PIK3C2A: variants seen among roughly 807,000 people sequenced by gnomAD.
PIK3C2A encodes phosphatidylinositol-4-phosphate 3-kinase catalytic subunit type 2 alpha.
A neutral mutation model predicts 204.5 loss-of-function variants in PIK3C2A; 97 were observed. That is an observed-to-expected ratio of 0.47 (90% confidence interval 0.40 to 0.56). The LOEUF is 0.56. Ranked by LOEUF, PIK3C2A falls within the 20% of genes least tolerant of loss-of-function variation. The pLI is 0.00. For synonymous variants in PIK3C2A, 653 were observed against 664.4 expected (o/e 0.98, Z 0.26); for missense variants, 1,735 against 1,969.2 (o/e 0.88, Z 2.25).
intron 25 of PIK3C2A, 33 bp from the exon 26 acceptor site, chr11:17,100,002 A>C (rs573400042): frequency 9.7e-7 from 1 of 1,030,486 alleles, no homozygotes; most frequent in African/African-American, 1.6e-5. Flanking sequence ...CTGTGAGTTA[A>C]ATTTTTTAAA....
intron 1 of PIK3C2A, among the ~76,000 whole-genome samples, chr11:17,188,460 T>G (rs1001136257): frequency 1.4e-5 from 2 of 147,194 alleles, no homozygotes; most frequent in Non-Finnish European, 2.9e-5. Context: ...TCTTCCCTGG[T>G]GCAGCAGCAT....
chr11:17,183,673 T>C (rs1168475682), intron 1 of PIK3C2A, among the ~76,000 whole-genome samples: 1 of 151,484 alleles, frequency 6.6e-6, no homozygotes, highest in African/African-American at 2.4e-5. Context: ...AGAAAGAAAC[T>C]GTAAAAAAAC....
At chr11:17,106,732 G>T (rs922310072) in intron 22 of PIK3C2A, among the ~76,000 whole-genome samples, 2 of 152,024 alleles carry the variant, frequency 1.3e-5, no homozygotes, top group African/African-American at 4.8e-5. Flanking sequence ...GTGAGCCACC[G>T]TGCCCAGTGA....
chr11:17,193,527 C>G (rs1192891353), intron 1 of PIK3C2A: 1 of 445,568 alleles, frequency 2.2e-6, no homozygotes, highest in African/African-American at 2.0e-5. Context: ...ACAACATTCC[C>G]GAAAATGGCA....
chr11:17,163,583 AT>A (rs970003298), intron 2 of PIK3C2A, among the ~76,000 whole-genome samples: 38 of 147,766 alleles, frequency 2.6e-4, no homozygotes, highest in South Asian at 1.7e-3. Flanking sequence ...ACACACAGCT[AT>A]TTTTTTTTTC....
At chr11:17,181,056 G>GTTTACTTATTACTGACTTATTATAA (rs1851532943) in intron 1 of PIK3C2A, among the ~76,000 whole-genome samples, 2 of 152,098 alleles carry the variant, frequency 1.3e-5, no homozygotes, top group African/African-American at 4.8e-5. Flanking sequence ...AAAGGGAAGA[G>GTTTACTTATTACTGACTTATTATAA]ATGCATAGGG....
At chr11:17,204,890 T>C (rs1050303634) in intron 1 of PIK3C2A, among the ~76,000 whole-genome samples, 5 of 152,184 alleles carry the variant, frequency 3.3e-5, no homozygotes, top group African/African-American at 7.2e-5. Context: ...ATTAATACAA[T>C]GCATAGGCCA....
At chr11:17,107,892 G>A (rs1848878900) in intron 22 of PIK3C2A, among the ~76,000 whole-genome samples, 1 of 123,154 alleles carries the variant, frequency 8.1e-6, no homozygotes, top group Non-Finnish European at 1.9e-5. Flanking sequence ...TGTTTTCTGA[G>A]ACAGAGTCTC....
intron 8 of PIK3C2A, among the ~76,000 whole-genome samples, chr11:17,145,172 G>A (rs1263722358): frequency 6.6e-6 from 1 of 152,174 alleles, no homozygotes; most frequent in Non-Finnish European, 1.5e-5. Flanking sequence ...AAGACCTTGG[G>A]AGACTATTTG....
intron 8 of PIK3C2A, among the ~76,000 whole-genome samples, chr11:17,138,457 G>T (rs1023423540): frequency 1.4e-4 from 21 of 151,988 alleles, no homozygotes; most frequent in African/African-American, 5.1e-4. Flanking sequence ...TTTGCCATAG[G>T]CAACTATGTA....
rs1275512112 is a variant in PIK3C2A at position 17,089,901 on chromosome 11, C to A, written c.4898G>T (p.Ser1633Ile). ...FNEMLVYSGY[S>I]KETLRQRELQ... ...TTCTCGCTGTCTTAGGGTTTCTTTG[C>A]TATATCCACTGTATACAAGCTACAA... Residue 1633 changes from serine (S) to isoleucine (I), a missense_variant, in exon 33 of 33, where the codon AGC becomes ATC. By Grantham distance (142) the Ser-to-Ile change is moderately radical (BLOSUM62 -2). Transcript: ENST00000691414. The A allele has an allele frequency of 6.2e-7, 1 of 1,608,582 alleles. No individual in the cohort carries two copies. Among genetic ancestry groups the A allele is most frequent in the East Asian group, 2.2e-5 (1 of 44,772 alleles).
Position 17,095,447 on chromosome 11 carries a change from C to T in PIK3C2A, c.4327-1062G>A, listed in dbSNP as rs866636664. ...AAAAAAAAAAATACAAAAAATGAGC[C>T]GGGCGTGGTGGTGGGTACCTGTAGT... On this transcript the variant is annotated intron_variant, in intron 27 of 32. Coordinates refer to ENST00000691414, the MANE Select transcript of PIK3C2A (RefSeq NM_002645.4). Among the ~76,000 whole-genome samples, 7 of 149,294 alleles carry T rather than the reference C, an allele frequency of 4.7e-5. No homozygotes were observed. The South Asian group carries it at 6.3e-4, about 14-fold the overall frequency.
At chr11:17,099,828 T>G in intron 26 of PIK3C2A, 32 bp downstream of exon 26, 1 of 899,648 alleles carries the variant, frequency 1.1e-6, no homozygotes, top group East Asian at 2.4e-5. Context: ...ATATTTTATG[T>G]TCCTTCTGCA....
chr11:17,198,623 G>C (rs1342268630), intron 1 of PIK3C2A, among the ~76,000 whole-genome samples: 2 of 152,032 alleles, frequency 1.3e-5, no homozygotes, highest in Non-Finnish European at 2.9e-5. Flanking sequence ...GTTGAAACAA[G>C]CATCAGTATG....
rs112330753 is a variant in PIK3C2A, at chr11:17,146,569, A to T, written c.1561-627T>A. On this transcript the variant is annotated intron_variant, in intron 6 of 32. Coordinates refer to ENST00000691414, the MANE Select transcript of PIK3C2A (RefSeq NM_002645.4). Reference sequence around the variant, plus strand: ...CTCTACTAAAAATACAAAAAAAAAAAAATTAGCTGGGTGGGTTGGTGCATG... The same window carrying T: ...CTCTACTAAAAATACAAAAAAAAAATAATTAGCTGGGTGGGTTGGTGCATG... Among the ~76,000 whole-genome samples, 786 of 152,054 alleles carry T rather than the reference A, an allele frequency of 5.2e-3. 5 individuals are homozygous for T. Among genetic ancestry groups the T allele is most frequent in the African/African-American group, 0.017 (691 of 41,494 alleles).
intron 24 of PIK3C2A, among the ~76,000 whole-genome samples, chr11:17,102,205 G>C (rs111888737): frequency 1.0e-3 from 159 of 152,254 alleles, no homozygotes; most frequent in African/African-American, 3.3e-3. Flanking sequence ...GGGAGGCCGA[G>C]GCGGGTAGAT....
chr11:17,193,846 A>AG lies in PIK3C2A; in HGVS notation c.-66+14001_-66+14002insC, dbSNP rs1852026326. Reference sequence around the variant, plus strand: ...GGCAACAGAGCGAGACTCTGTCTCAAAAAAAGAAAAGAAAAGAAAAGAAAA... The same window carrying AG: ...GGCAACAGAGCGAGACTCTGTCTCAAGAAAAAGAAAAGAAAAGAAAAGAAAA... On this transcript the variant is annotated intron_variant, in intron 1 of 32. Coordinates refer to ENST00000691414, the MANE Select transcript of PIK3C2A (RefSeq NM_002645.4). The AG allele has an allele frequency of 1.6e-5, 2 of 122,016 alleles. 1 individual carries two copies. The highest frequency in any genetic ancestry group is 1.2e-3 in the East Asian group (2 of 1,736). The allele number at this position is 122,016 out of a possible 1,614,324, so 7.6% of individuals were successfully genotyped here. A position where few individuals can be genotyped will look rare whatever the true frequency, so the allele number is the denominator to read the frequency against.
At chr11:17,184,755 G>A (rs1236042379) in intron 1 of PIK3C2A, among the ~76,000 whole-genome samples, 6 of 151,964 alleles carry the variant, frequency 3.9e-5, no homozygotes, top group East Asian at 1.9e-4. Context: ...GCAATGTAGC[G>A]AGATCACCTT....
rs1333771445 is a variant in PIK3C2A, at chr11:17,091,918, T to C, written c.4642+78A>G. ...CAGACTACAGCTAGTAAGCCTGCTG[T>C]CATTCTACCACATTCATCGAGAAGT... is the stretch of plus-strand genomic sequence containing the variant. On this transcript the variant is annotated intron_variant, in intron 30 of 32. Coordinates refer to ENST00000691414, the MANE Select transcript of PIK3C2A (RefSeq NM_002645.4). 4.4e-6 allele frequency: 4 copies of C among 913,830 alleles called. No individual in the cohort carries two copies. In the African/African-American group the frequency reaches 4.9e-5, roughly 11 times the overall value. The allele number at this position is 913,830 out of a possible 1,614,324, so 56.6% of individuals were successfully genotyped here.
Sources: allele counts gnomAD v4.1 joint callset (sites outside exome capture counted in the v4.1 genomes callset), GRCh38; gene constraint gnomAD v4.1.1; transcripts MANE v1.5; gene names NCBI Gene and HGNC (gene_info 2026-07-23, HGNC 2026-07-21).